The following SH3RF3 variants were observed in gnomAD, a reference collection of about 807,000 sequenced individuals.
SH3RF3 encodes SH3 domain containing ring finger 3.
Under a neutral mutation model 66.3 loss-of-function variants are expected in SH3RF3, and 29 were observed. The ratio of observed to expected loss-of-function variants is 0.44; its 90% CI spans 0.33 to 0.60. The LOEUF is 0.60. Among genes scored for constraint, SH3RF3 ranks in the 20% least tolerant of loss-of-function variants. SH3RF3 has a pLI of 0.04. For missense variants in SH3RF3, 1,194 were observed against 1,190.9 expected, an observed-to-expected ratio of 1.00 and a Z score of -0.04; for synonymous variants, 583 against 532.0, an observed-to-expected ratio of 1.10 and a Z score of -1.32.
intron 1 of SH3RF3, among the ~76,000 whole-genome samples, chr2:109,205,631 G>A (rs934280644): frequency 2.0e-5 from 3 of 152,120 alleles, no homozygotes; most frequent in Admixed American, 6.5e-5. Context: ...AGAAGGCCAC[G>A]GTGAGAATCA....
chr2:109,378,618 T>C (rs1257479865), intron 3 of SH3RF3, among the ~76,000 whole-genome samples: 1 of 152,226 alleles, frequency 6.6e-6, no homozygotes, highest in East Asian at 1.9e-4. Context: ...CTTTGATTTT[T>C]GTTAAATTGC....
rs111990870 is a variant in SH3RF3 at position 109,468,111 on chromosome 2, G to A, written c.2148+18622G>A. ...GTCATGTGTCACTTAAAGGGAATAC[G>A]TTCTGAAAAACGCGTCGTTTGGTGA... On this transcript the variant is annotated intron_variant, in intron 8 of 9. Coordinates refer to ENST00000309415, the MANE Select transcript of SH3RF3 (RefSeq NM_001099289.3). Among the ~76,000 whole-genome samples the A allele has an allele frequency of 1.9e-4, 29 of 152,312 alleles. 1 individual carries two copies. Among genetic ancestry groups the A allele is most frequent in the African/African-American group, 5.8e-4 (24 of 41,568 alleles).
intron 1 of SH3RF3, among the ~76,000 whole-genome samples, chr2:109,186,024 T>G (rs1476240199): frequency 6.6e-6 from 1 of 152,214 alleles, no homozygotes; most frequent in Non-Finnish European, 1.5e-5. Flanking sequence ...TTTTATTCCC[T>G]TAGTCACTGG....
At chr2:109,355,148 G>A (rs1682923085) in intron 2 of SH3RF3, among the ~76,000 whole-genome samples, 2 of 152,154 alleles carry the variant, frequency 1.3e-5, no homozygotes, top group Admixed American at 1.3e-4. Flanking sequence ...CAGGGAATAG[G>A]GAAAACAGCA....
intron 1 of SH3RF3, among the ~76,000 whole-genome samples, chr2:109,291,867 TTTTG>T (rs1179723033): frequency 2.0e-5 from 3 of 152,176 alleles, no homozygotes; most frequent in South Asian, 4.1e-4. Flanking sequence ...TAATATACTT[TTTTG>T]TTTGTTTGTT....
At chr2:109,352,839 G>A (rs1431745652) in intron 2 of SH3RF3, among the ~76,000 whole-genome samples, 3 of 152,312 alleles carry the variant, frequency 2.0e-5, no homozygotes, top group Middle Eastern at 3.4e-3. Context: ...GACCACCCTC[G>A]CCCAGCCCCT....
intron 1 of SH3RF3, among the ~76,000 whole-genome samples, chr2:109,141,772 A>AG (rs1676954755): frequency 6.6e-6 from 1 of 151,994 alleles, no homozygotes; most frequent in Non-Finnish European, 1.5e-5. Flanking sequence ...TATCAACAGG[A>AG]GGGGGTACTG....
intron 7 of SH3RF3, among the ~76,000 whole-genome samples, chr2:109,439,675 C>A (rs530200566): frequency 3.3e-5 from 5 of 152,282 alleles, no homozygotes; most frequent in Admixed American, 3.3e-4. Context: ...GTTCCTTGCA[C>A]ACTCCTGTCT....
intron 1 of SH3RF3, among the ~76,000 whole-genome samples, chr2:109,347,136 G>A (rs910471962): frequency 6.6e-6 from 1 of 152,218 alleles, no homozygotes; most frequent in African/African-American, 2.4e-5. Flanking sequence ...TGACTATTCA[G>A]TAGATGAAGT....
At chr2:109,294,741 C>T (rs1000982851) in intron 1 of SH3RF3, among the ~76,000 whole-genome samples, 5 of 152,134 alleles carry the variant, frequency 3.3e-5, no homozygotes, top group Non-Finnish European at 5.9e-5. Context: ...GCTAGGGCCA[C>T]ACCCAAGAAA....
chr2:109,334,931 A>G (rs978338560), intron 1 of SH3RF3, among the ~76,000 whole-genome samples: 1 of 152,174 alleles, frequency 6.6e-6, no homozygotes, highest in Admixed American at 6.5e-5. Context: ...CCTTCCTGGA[A>G]AGGTTCTGCT....
intron 9 of SH3RF3, among the ~76,000 whole-genome samples, chr2:109,494,813 C>A (rs1487854569): frequency 6.6e-6 from 1 of 152,168 alleles, no homozygotes. Flanking sequence ...TGCCCAGACT[C>A]CTCCAGATCT....
chr2:109,267,130 GAGGTGGTCAAAC>G (rs1411141522), intron 1 of SH3RF3, among the ~76,000 whole-genome samples: 1 of 152,146 alleles, frequency 6.6e-6, no homozygotes, highest in African/African-American at 2.4e-5. Context: ...ATCAGCCAGG[GAGGTGGTCAAAC>G]AGGATGGGAG....
chr2:109,287,118 G>A (rs1315734080), intron 1 of SH3RF3, among the ~76,000 whole-genome samples: 2 of 152,156 alleles, frequency 1.3e-5, no homozygotes, highest in Non-Finnish European at 2.9e-5. Flanking sequence ...GACAGCCATG[G>A]TATTGGCCTC....
intron 3 of SH3RF3, among the ~76,000 whole-genome samples, chr2:109,375,698 C>T (rs1221619262): frequency 6.6e-6 from 1 of 152,246 alleles, no homozygotes; most frequent in Non-Finnish European, 1.5e-5. Context: ...AGAGTTCTGC[C>T]CTCTCTGTGG....
chr2:109,333,093 T>C (rs1682327113), intron 1 of SH3RF3, among the ~76,000 whole-genome samples: 1 of 152,226 alleles, frequency 6.6e-6, no homozygotes, highest in African/African-American at 2.4e-5. Flanking sequence ...CAGTGCTGCC[T>C]CAGTGCGTTC....
chr2:109,244,387 A>C (rs752272954), intron 1 of SH3RF3, among the ~76,000 whole-genome samples: 1 of 152,242 alleles, frequency 6.6e-6, no homozygotes, highest in Non-Finnish European at 1.5e-5. Context: ...TGGTATTATG[A>C]AAGTAAATAC....
chr2:109,343,402 C>G (rs1682602377), intron 1 of SH3RF3, among the ~76,000 whole-genome samples: 1 of 151,992 alleles, frequency 6.6e-6, no homozygotes, highest in Non-Finnish European at 1.5e-5. Context: ...TGTCCTGCAT[C>G]TTAAAAAGGT....
chr2:109,188,943 A>C (rs1475168231), intron 1 of SH3RF3, among the ~76,000 whole-genome samples: 3 of 151,826 alleles, frequency 2.0e-5, no homozygotes, highest in South Asian at 4.2e-4. Flanking sequence ...TAAAAAAAAA[A>C]CCTGAAAATG....
Sources: gnomAD v4.1 joint callset for allele counts (sites outside exome capture counted in the v4.1 genomes callset) on GRCh38, gnomAD v4.1.1 for gene constraint, MANE v1.5 for transcripts, NCBI Gene and HGNC (gene_info 2026-07-23, HGNC 2026-07-21) for gene names.